CFAP52: variants seen among roughly 807,000 people sequenced by gnomAD.
CFAP52 encodes the protein cilia- and flagella-associated protein 52.
Under a neutral mutation model 70.5 loss-of-function variants are expected in CFAP52, and 57 were observed. The observed-to-expected ratio is 0.81, with a 90% CI of 0.65 to 1.01. The LOEUF (loss-of-function observed/expected upper bound fraction) is 1.01. Among genes scored for constraint, CFAP52 ranks in the 50% least tolerant of loss-of-function variants. The pLI is 0.00. For missense variants in CFAP52, 785 were observed against 788.5 expected (o/e 1.00, Z 0.05); for synonymous variants, 267 against 292.5 (o/e 0.91, Z 0.89).
intron 1 of CFAP52, 152 bp from the exon 2 acceptor site, chr17:9,585,621 A>T: frequency 1.3e-6 from 1 of 769,914 alleles, no homozygotes; most frequent in South Asian, 1.6e-5. Context: ...CAGTGAGCCC[A>T]AGACTGCACC....
intron 3 of CFAP52, 21 bp from the exon 4 acceptor site, chr17:9,594,172 T>G: frequency 1.9e-6 from 3 of 1,545,422 alleles, no homozygotes; most frequent in Non-Finnish European, 8.7e-7. Context: ...TTTTTTTTTT[T>G]GGTCCCTCTT....
At chr17:9,607,228 C>T (rs2151939872) in intron 6 of CFAP52, among the ~76,000 whole-genome samples, 1 of 152,292 alleles carries the variant, frequency 6.6e-6, no homozygotes, top group South Asian at 2.1e-4. Flanking sequence ...TGCCTATAAT[C>T]CCAGCTACTC....
In CFAP52 at chr17:9,632,901, T is replaced by TAAA. The variant is rs767997507; in HGVS notation, c.1190_1192dup (p.Lys397dup). The TAAA allele has an allele frequency of 1.9e-6, 3 of 1,614,088 alleles. No homozygotes were observed. The highest frequency in any genetic ancestry group is 2.5e-6 in the Non-Finnish European group (3 of 1,179,966). On this transcript the variant is annotated inframe_insertion, in exon 10 of 14. Transcript: ENST00000352665. ...CTTTCATGCCAGCATGGAACGACGG[T>TAAA]AAAATCCGAGCCTTCGCCCCAGAGA...
At chr17:9,611,225 G>A (rs1909700077) in intron 7 of CFAP52, among the ~76,000 whole-genome samples, 1 of 147,230 alleles carries the variant, frequency 6.8e-6, no homozygotes, top group Non-Finnish European at 1.5e-5. Flanking sequence ...CTGTATCCTA[G>A]GGCCTCATTC....
chr17:9,616,147 G>A (rs372928293), intron 8 of CFAP52, among the ~76,000 whole-genome samples: 190 of 142,142 alleles, frequency 1.3e-3, no homozygotes, highest in African/African-American at 5.2e-3. Context: ...TGCGCGCACC[G>A]TGCGCGAGCC....
rs376215212 is a variant in CFAP52, at chr17:9,616,192, G to A, written c.1025+3713G>A. Among the ~76,000 whole-genome samples, 78 of 151,336 alleles carry A rather than the reference G, an allele frequency of 5.2e-4. No homozygotes were observed. The East Asian group carries it at 0.013, about 25-fold the overall frequency. On this transcript the variant is annotated intron_variant, in intron 8 of 13. Transcript: ENST00000352665. Reference sequence around the variant, plus strand: ...CGAGGCATTGCCTCACCTGGGAAGCGCAAGGGGTCAGGGAGTTCCCTTTCC... The same window carrying A: ...CGAGGCATTGCCTCACCTGGGAAGCACAAGGGGTCAGGGAGTTCCCTTTCC...
intron 3 of CFAP52, among the ~76,000 whole-genome samples, chr17:9,592,299 C>G (rs752115867): frequency 5.3e-5 from 8 of 151,964 alleles, no homozygotes; most frequent in African/African-American, 1.9e-4. Flanking sequence ...CCTGTCTCTA[C>G]TAAAAATGCA....
At chr17:9,610,980 G>C (rs1174526557) in intron 7 of CFAP52, among the ~76,000 whole-genome samples, 1 of 152,234 alleles carries the variant, frequency 6.6e-6, no homozygotes, top group Admixed American at 6.5e-5. Flanking sequence ...TGTAAAGGAG[G>C]AATTATTCTG....
At chr17:9,586,024 A>G (rs1908456720) in intron 2 of CFAP52, 52 bp downstream of exon 2, 1 of 1,580,248 alleles carries the variant, frequency 6.3e-7, no homozygotes, top group East Asian at 2.2e-5. Context: ...GTGCCTCCCT[A>G]GAAGAACTGC....
intron 3 of CFAP52, 127 bp from the exon 4 acceptor site, chr17:9,594,066 T>C: frequency 3.7e-6 from 5 of 1,359,472 alleles, no homozygotes; most frequent in Admixed American, 5.6e-5. Flanking sequence ...GTGGGGTAAT[T>C]TTGTTGTTCG....
Position 9,643,091 on chromosome 17 carries a change from C to G in CFAP52, c.1756C>G (p.His586Asp), listed in dbSNP as rs905253602. ...EGEVTHVGVG[H>D]SGNITRIRIS... ...TGAAGTGACTCACGTTGGGGTGGGA[C>G]ACAGTGGCAACATCACACGCATCCG... The change falls in exon 14 of 14, where the codon CAC (histidine) becomes GAC (aspartate). Residue 586 changes from histidine to aspartate, a missense_variant. His to Asp is a moderately conservative substitution (Grantham distance 81). Coordinates refer to ENST00000352665, the MANE Select transcript of CFAP52 (RefSeq NM_145054.5). 6.8e-6 allele frequency: 11 copies of G among 1,613,230 alleles called. No individual in the cohort carries two copies. In the Admixed American group the frequency reaches 1.2e-4, roughly 17 times the overall value.
chr17:9,638,974 G>A (rs955615221), intron 12 of CFAP52: 7 of 467,906 alleles, frequency 1.5e-5, no homozygotes, highest in African/African-American at 5.8e-5. Flanking sequence ...AGGGGGTCTG[G>A]CACATAGTAG....
At chr17:9,579,524 T>C (rs976969932) in intron 1 of CFAP52, among the ~76,000 whole-genome samples, 1 of 152,172 alleles carries the variant, frequency 6.6e-6, no homozygotes, top group African/African-American at 2.4e-5. Flanking sequence ...CAAGGCCCCT[T>C]TTTTCACTGC....
In CFAP52 at chr17:9,606,134, G is replaced by A. The variant is rs192460819; in HGVS notation, c.754-1985G>A. Among the ~76,000 whole-genome samples the A allele has an allele frequency of 2.2e-4, 34 of 152,262 alleles. 1 individual carries two copies. In the East Asian group the frequency reaches 2.7e-3, roughly 12 times the overall value. On this transcript the variant is annotated intron_variant, in intron 6 of 13. Transcript: ENST00000352665. ...AAGGTGGATCATGCCTGTAATCTTAGCGCTTTGGGAGGCCAAGGCAGGAGG... is the reference window on the plus strand; with the variant it reads ...AAGGTGGATCATGCCTGTAATCTTAACGCTTTGGGAGGCCAAGGCAGGAGG...
At chr17:9,631,884 C>G (rs1910558930) in intron 9 of CFAP52, among the ~76,000 whole-genome samples, 1 of 151,400 alleles carries the variant, frequency 6.6e-6, no homozygotes, top group Non-Finnish European at 1.5e-5. Flanking sequence ...TCTCCTGCCT[C>G]AGCCTCCTGA....
At chr17:9,604,904 A>C (rs1275642644) in intron 6 of CFAP52, among the ~76,000 whole-genome samples, 1 of 152,206 alleles carries the variant, frequency 6.6e-6, no homozygotes. Flanking sequence ...ACGACTACAT[A>C]CCTTTTCAAA....
In CFAP52 at chr17:9,636,253, G is replaced by GAAAGAAAGAA. The variant is rs1567637277; in HGVS notation, c.1472+704_1472+705insGAAAAAGAAA. On this transcript the variant is annotated intron_variant, in intron 11 of 13. Transcript: ENST00000352665. The stretch of plus-strand genomic sequence containing the variant: ...AAAGAAAGAAAGAAAGAAAGAAAGA[G>GAAAGAAAGAA]AAAGAAAAATAACTAATGCAGGCAG... Among the ~76,000 whole-genome samples, 329 of 107,676 alleles carry GAAAGAAAGAA rather than the reference G, an allele frequency of 3.1e-3. 17 individuals are homozygous for GAAAGAAAGAA. The highest frequency in any genetic ancestry group is 5.8e-3 in the East Asian group (14 of 2,410). The allele number at this position is 107,676 out of a possible 152,430, so 70.6% of individuals were successfully genotyped here. A position where few individuals can be genotyped will look rare whatever the true frequency, so the allele number is the denominator to read the frequency against.
At chr17:9,622,566 A>G (rs1043563713) in intron 8 of CFAP52, among the ~76,000 whole-genome samples, 1 of 151,928 alleles carries the variant, frequency 6.6e-6, no homozygotes, top group African/African-American at 2.4e-5. Context: ...AAGAAGAAGA[A>G]GAAGAAGATG....
intron 11 of CFAP52, among the ~76,000 whole-genome samples, chr17:9,637,129 A>T (rs1910845341): frequency 6.6e-6 from 1 of 152,102 alleles, no homozygotes; most frequent in African/African-American, 2.4e-5. Flanking sequence ...TCTCCTGGGG[A>T]TCTTGTTACA....
Sources: allele counts gnomAD v4.1 joint callset (sites outside exome capture counted in the v4.1 genomes callset), GRCh38; gene constraint gnomAD v4.1.1; transcripts MANE v1.5; gene names NCBI Gene and HGNC (gene_info 2026-07-23, HGNC 2026-07-21).